Variants in SLC22A3 observed in about 807,000 individuals in gnomAD.
SLC22A3 encodes solute carrier family 22 member 3.
SLC22A3 carries 51 observed loss-of-function variants against 59.1 expected under a neutral mutation model. That is an observed-to-expected ratio of 0.86 (90% CI 0.69 to 1.09). The LOEUF (loss-of-function observed/expected upper bound fraction) is 1.09, where lower values mean the gene tolerates loss of function less well. Among genes scored for constraint, SLC22A3 ranks in the 50% least tolerant of loss-of-function variants. The pLI, the probability that SLC22A3 is intolerant of heterozygous loss-of-function variation, is 0.00. For missense variants in SLC22A3, 711 were observed against 726.3 expected (o/e 0.98, Z 0.24); for synonymous variants, 325 against 292.0 (o/e 1.11, Z -1.15).
intron 9 of SLC22A3, among the ~76,000 whole-genome samples, chr6:160,445,270 C>T (rs1249131061): frequency 6.6e-6 from 1 of 152,164 alleles, no homozygotes; most frequent in Admixed American, 6.5e-5. Flanking sequence ...GTGCTCCAGG[C>T]AGTGGAAAGT....
intron 1 of SLC22A3, among the ~76,000 whole-genome samples, chr6:160,351,397 G>C (rs965525930): frequency 6.6e-6 from 1 of 152,234 alleles, no homozygotes; most frequent in African/African-American, 2.4e-5. Flanking sequence ...TTACAGGTGT[G>C]AGCCACCGCG....
chr6:160,378,787 G>C (rs1290005695), intron 1 of SLC22A3, among the ~76,000 whole-genome samples: 2 of 152,074 alleles, frequency 1.3e-5, no homozygotes, highest in East Asian at 3.8e-4. Context: ...CTAACACAAA[G>C]CCTATTTTGT....
chr6:160,445,205 G>A (rs550998007), intron 9 of SLC22A3, among the ~76,000 whole-genome samples: 1 of 152,330 alleles, frequency 6.6e-6, no homozygotes, highest in African/African-American at 2.4e-5. Flanking sequence ...CCCCTGAGTG[G>A]AAGGGAGCAG....
intron 7 of SLC22A3, among the ~76,000 whole-genome samples, chr6:160,437,702 A>G (rs1788397542): frequency 6.6e-6 from 1 of 152,210 alleles, no homozygotes; most frequent in Non-Finnish European, 1.5e-5. Context: ...TAATTAAACT[A>G]TTTACAAGAT....
chr6:160,368,482 C>T (rs983026381), intron 1 of SLC22A3, among the ~76,000 whole-genome samples: 4 of 152,088 alleles, frequency 2.6e-5, no homozygotes, highest in African/African-American at 9.7e-5. Flanking sequence ...TTCACCTGTC[C>T]ACGCTTAAAC....
chr6:160,423,281 A>G (rs1787820599), intron 5 of SLC22A3, among the ~76,000 whole-genome samples: 1 of 152,196 alleles, frequency 6.6e-6, no homozygotes, highest in Non-Finnish European at 1.5e-5. Context: ...GAATAGTGCC[A>G]CAATAAACAT....
intron 5 of SLC22A3, among the ~76,000 whole-genome samples, chr6:160,432,432 ATTT>A (rs35059975): frequency 7.1e-6 from 1 of 141,038 alleles, no homozygotes; most frequent in Admixed American, 7.1e-5. Flanking sequence ...TGTAGGCTTA[ATTT>A]TTTTTTTTTT....
intron 1 of SLC22A3, among the ~76,000 whole-genome samples, chr6:160,394,592 C>T (rs1310182202): frequency 5.3e-5 from 8 of 152,196 alleles, no homozygotes; most frequent in Non-Finnish European, 1.0e-4. Context: ...TCTTTAGAAA[C>T]ACATAATTTG....
chr6:160,396,270 A>G (rs1786466454), intron 1 of SLC22A3, among the ~76,000 whole-genome samples: 1 of 152,220 alleles, frequency 6.6e-6, no homozygotes, highest in Admixed American at 6.5e-5. Flanking sequence ...AGTATTAAGA[A>G]AGTAACTTTC....
intron 1 of SLC22A3, among the ~76,000 whole-genome samples, chr6:160,397,614 G>T (rs1473884626): frequency 6.6e-6 from 1 of 151,456 alleles, no homozygotes; most frequent in Non-Finnish European, 1.5e-5. Flanking sequence ...CACACCTGTA[G>T]TCCCAGCTAC....
intron 5 of SLC22A3, among the ~76,000 whole-genome samples, chr6:160,430,350 C>T (rs569968513): frequency 6.6e-6 from 1 of 152,212 alleles, no homozygotes; most frequent in Non-Finnish European, 1.5e-5. Flanking sequence ...CTAACCCTGA[C>T]TGTCTTTTTT....
At chr6:160,406,977 A>G (rs1787039318) in intron 2 of SLC22A3, 64 bp from the exon 3 acceptor site, 2 of 1,557,868 alleles carry the variant, frequency 1.3e-6, no homozygotes, top group Admixed American at 1.7e-5. Context: ...ATTTTATGTT[A>G]TATTTTCCCA....
intron 1 of SLC22A3, among the ~76,000 whole-genome samples, chr6:160,380,526 CAT>C (rs1202133480): frequency 2.6e-5 from 4 of 152,076 alleles, no homozygotes; most frequent in Non-Finnish European, 2.9e-5. Flanking sequence ...ACTAAGAGAA[CAT>C]AACTTTATCT....
chr6:160,407,446 T>A (rs530842990), intron 3 of SLC22A3, among the ~76,000 whole-genome samples: 1 of 152,332 alleles, frequency 6.6e-6, no homozygotes, highest in South Asian at 2.1e-4. Flanking sequence ...TACTTTTATG[T>A]ACTTCTACAC....
At chr6:160,449,046 C>G (rs2114933637) in intron 10 of SLC22A3, among the ~76,000 whole-genome samples, 1 of 152,270 alleles carries the variant, frequency 6.6e-6, no homozygotes, top group Admixed American at 6.5e-5. Context: ...CCACTGACTG[C>G]CTTCTGTTTA....
chr6:160,360,465 AG>A (rs754758750), intron 1 of SLC22A3, among the ~76,000 whole-genome samples: 1 of 152,250 alleles, frequency 6.6e-6, no homozygotes, highest in Non-Finnish European at 1.5e-5. Flanking sequence ...TCTTAAAAAA[AG>A]GATATATACA....
At chr6:160,435,625 C>G (rs569487245) in intron 5 of SLC22A3, among the ~76,000 whole-genome samples, 1 of 152,158 alleles carries the variant, frequency 6.6e-6, no homozygotes, top group Admixed American at 6.5e-5. Flanking sequence ...TGTGTATGCT[C>G]TAAGTCAAAT....
chr6:160,417,909 A>G (rs1264657092), intron 5 of SLC22A3, among the ~76,000 whole-genome samples: 2 of 152,170 alleles, frequency 1.3e-5, no homozygotes, highest in South Asian at 2.1e-4. Context: ...AGCTTCCTCA[A>G]ACCTACACTA....
chr6:160,379,796 A>G (rs1583460660), intron 1 of SLC22A3, among the ~76,000 whole-genome samples: 3 of 152,338 alleles, frequency 2.0e-5, no homozygotes, highest in South Asian at 4.1e-4. Flanking sequence ...TGAAATATAT[A>G]TGCTGACTAT....
Sources: gnomAD v4.1 joint callset for allele counts (sites outside exome capture counted in the v4.1 genomes callset) on GRCh38, gnomAD v4.1.1 for gene constraint, MANE v1.5 for transcripts, NCBI Gene and HGNC (gene_info 2026-07-23, HGNC 2026-07-21) for gene names.